SOS2: variants seen among roughly 807,000 people sequenced by gnomAD.
SOS2 encodes SOS Ras/Rho guanine nucleotide exchange factor 2.
A neutral mutation model predicts 148.2 loss-of-function variants in SOS2; 65 were observed. That is an observed-to-expected ratio of 0.44 (90% CI 0.36 to 0.54). The LOEUF is 0.54. Among genes scored for constraint, SOS2 ranks in the 20% least tolerant of loss-of-function variants. The pLI is 0.00. For missense variants in SOS2, 1,341 were observed against 1,590.2 expected (o/e 0.84, Z 2.67); for synonymous variants, 539 against 537.1 (o/e 1.00, Z -0.05).
chr14:50,156,566 C>T (rs573125734), intron 12 of SOS2: 1 of 152,282 alleles, frequency 6.6e-6, no homozygotes, highest in African/African-American at 2.4e-5. Flanking sequence ...GGGAAAAGGG[C>T]TAGAACTTCC....
intron 13 of SOS2, among the ~76,000 whole-genome samples, chr14:50,152,273 C>A (rs1260632723): frequency 6.6e-6 from 1 of 152,052 alleles, no homozygotes; most frequent in Non-Finnish European, 1.5e-5. Context: ...TTTAAATGTT[C>A]ATGGCCTAGG....
chr14:50,161,431 G>A (rs1222373791), intron 9 of SOS2, 51 bp downstream of exon 9: 4 of 1,501,460 alleles, frequency 2.7e-6, no homozygotes, highest in Non-Finnish European at 3.6e-6. Context: ...CCAGGCATCA[G>A]AGACAGCGAA....
intron 1 of SOS2, among the ~76,000 whole-genome samples, chr14:50,213,890 GAAAAAAAAA>G (rs1242909114): frequency 1.2e-5 from 1 of 80,784 alleles, no homozygotes; most frequent in Non-Finnish European, 2.7e-5. Context: ...TCCCTGCCAA[GAAAAAAAAA>G]AAAAAAGAGA....
chr14:50,181,814 A>G (rs1885749952), intron 6 of SOS2, among the ~76,000 whole-genome samples: 1 of 152,058 alleles, frequency 6.6e-6, no homozygotes, highest in African/African-American at 2.4e-5. Context: ...ATTTTTCTGA[A>G]TATTTTTACA....
intron 11 of SOS2, 106 bp downstream of exon 11, chr14:50,158,459 T>G: frequency 1.3e-5 from 8 of 639,552 alleles, no homozygotes; most frequent in Non-Finnish European, 2.2e-5. Flanking sequence ...CCAAATAAAA[T>G]ATGTTCAATA....
intron 4 of SOS2, among the ~76,000 whole-genome samples, chr14:50,189,735 TG>T (rs1450948135): frequency 6.6e-6 from 1 of 152,222 alleles, no homozygotes; most frequent in Non-Finnish European, 1.5e-5. Flanking sequence ...ATGCTTAAAT[TG>T]TTGTAGCAAC....
chr14:50,200,972 T>C lies in SOS2; in HGVS notation c.326A>G (p.Lys109Arg). 2 of 1,613,964 alleles carry C rather than the reference T, an allele frequency of 1.2e-6. No individual in the cohort carries two copies. The highest frequency in any genetic ancestry group is 1.7e-6 in the Non-Finnish European group (2 of 1,179,926). ...TGTTACCTTCAACGAAGGATGGATT[T>C]TGTCCACAGGCAGTAAAAGAGGATT... ...RRNPLLLPVD[K>R]IHPSLKEVLG... The change falls in exon 3 of 23, where the codon AAA (lysine) becomes AGA (arginine). Residue 109 changes from lysine (K) to arginine (R), a missense_variant. Physicochemically the swap from Lys to Arg is conservative, Grantham distance 26. Transcript: ENST00000216373.
At chr14:50,156,936 A>G in intron 12 of SOS2, 63 bp downstream of exon 12, 1 of 695,192 alleles carries the variant, frequency 1.4e-6, no homozygotes. Flanking sequence ...TGACACATAA[A>G]ATGTGTGTGT....
At chr14:50,132,086 G>A (rs934616354) in intron 19 of SOS2, among the ~76,000 whole-genome samples, 3 of 152,146 alleles carry the variant, frequency 2.0e-5, no homozygotes, top group African/African-American at 7.2e-5. Context: ...TCAAGACCCT[G>A]AAGCATTTGT....
In SOS2 at chr14:50,142,450, A is replaced by C. The variant is rs148003689; in HGVS notation, c.2668-2391T>G. Among the ~76,000 whole-genome samples, 69 of 152,360 alleles carry C rather than the reference A, an allele frequency of 4.5e-4. 2 individuals carry two copies. The highest frequency in any genetic ancestry group is 1.6e-3 in the African/African-American group (68 of 41,588). On this transcript the variant is annotated intron_variant, in intron 16 of 22. Coordinates refer to ENST00000216373, the MANE Select transcript of SOS2 (RefSeq NM_006939.4). ...CCCTCTAATAACAACCCACTAAAAAAAATAAATAAATAATGTTAAAAGAGG... is the reference window on the plus strand; with the variant it reads ...CCCTCTAATAACAACCCACTAAAAACAATAAATAAATAATGTTAAAAGAGG...
At chr14:50,153,318 T>C (rs974880970) in intron 12 of SOS2, 145 bp from the exon 13 acceptor site, 2 of 469,062 alleles carry the variant, frequency 4.3e-6, no homozygotes, top group Admixed American at 7.2e-5. Flanking sequence ...ATTAATACTT[T>C]AAATGCTTCA....
intron 5 of SOS2, among the ~76,000 whole-genome samples, chr14:50,186,122 A>G (rs1283224109): frequency 6.6e-6 from 1 of 152,188 alleles, no homozygotes; most frequent in African/African-American, 2.4e-5. Context: ...CACTTCTTTA[A>G]TATTTGCAGA....
Position 50,118,446 on chromosome 14 carries a change from G to C in SOS2, c.3897C>G (p.Ser1299Arg), listed in dbSNP as rs1216203903. The change falls in exon 23 of 23, where the codon AGC becomes AGG. Residue 1299 changes from serine (S) to arginine (R), a missense_variant. Around this residue, in one of 4 missense-constraint regions of SOS2, gnomAD observed 354 missense variants for 347.7 expected, o/e 1.02. Coordinates refer to ENST00000216373, the MANE Select transcript of SOS2 (RefSeq NM_006939.4). ...TTGGTGGCAGTTTTGGCAGATGAGG[G>C]CTTGAATTCTGCCTTGGTGGAACAG... The part of the protein sequence containing the change: ...APPVPPRQNS[S>R]PHLPKLPPKT... 6.2e-7 allele frequency: 1 copy of C among 1,614,122 alleles called. No homozygotes were observed. The highest frequency in any genetic ancestry group is 8.5e-7 in the Non-Finnish European group (1 of 1,179,986).
At chr14:50,215,687 G>A (rs1456169223) in intron 1 of SOS2, among the ~76,000 whole-genome samples, 2 of 151,960 alleles carry the variant, frequency 1.3e-5, no homozygotes, top group Non-Finnish European at 2.9e-5. Context: ...TAACTAACCT[G>A]CACAATGTGC....
intron 4 of SOS2, among the ~76,000 whole-genome samples, chr14:50,197,022 C>T (rs566853135): frequency 9.5e-4 from 145 of 152,176 alleles, no homozygotes; most frequent in Non-Finnish European, 1.5e-3. Flanking sequence ...CACAAGCACA[C>T]GCCCGGATAA....
intron 16 of SOS2, among the ~76,000 whole-genome samples, chr14:50,141,464 T>C (rs1884282398): frequency 6.6e-6 from 1 of 151,820 alleles, no homozygotes; most frequent in African/African-American, 2.4e-5. Flanking sequence ...GAGGCTGCAG[T>C]AAGCTATGAT....
At position 50,122,581 on chromosome 14, in the gene SOS2, C is replaced by T. The variant is rs921776445; in HGVS notation, c.3380-2197G>A. Among the ~76,000 whole-genome samples, 5 of 151,882 alleles carry T rather than the reference C, an allele frequency of 3.3e-5. 1 individual carries two copies. The highest frequency in any genetic ancestry group is 4.1e-4 in the South Asian group (2 of 4,822). On this transcript the variant is annotated intron_variant, in intron 21 of 22. Coordinates refer to ENST00000216373, the MANE Select transcript of SOS2 (RefSeq NM_006939.4). ...AGCCAGTCTTAGGTGGTAACAGACA[C>T]GCACACTCATGGAAGCAGATGATAT... is the stretch of plus-strand genomic sequence containing the variant.
chr14:50,226,952 A>C (rs1483115430), intron 1 of SOS2, among the ~76,000 whole-genome samples: 1 of 152,154 alleles, frequency 6.6e-6, no homozygotes, highest in Non-Finnish European at 1.5e-5. Context: ...TTTTTTCCCC[A>C]AGTAACACAA....
At chr14:50,141,780 TAGG>T (rs772452688) in intron 16 of SOS2, among the ~76,000 whole-genome samples, 7 of 152,108 alleles carry the variant, frequency 4.6e-5, no homozygotes, top group Non-Finnish European at 1.0e-4. Context: ...AAAATGTATA[TAGG>T]AGAACAAAGA....
Sources: allele counts gnomAD v4.1 joint callset (sites outside exome capture counted in the v4.1 genomes callset), GRCh38; gene constraint gnomAD v4.1.1; regional missense constraint gnomAD v4.1.1; transcripts MANE v1.5; gene names NCBI Gene and HGNC (gene_info 2026-07-23, HGNC 2026-07-21).